CYRIB: variants seen among roughly 807,000 people sequenced by gnomAD.
CYRIB encodes the protein CYFIP-related Rac1 interactor B.
Under a neutral mutation model 44.2 loss-of-function variants are expected in CYRIB, and 8 were observed. The ratio of observed to expected loss-of-function variants is 0.18; its 90% CI spans 0.11 to 0.33. CYRIB has a LOEUF of 0.33. Ranked by LOEUF, CYRIB falls within the 10% of genes least tolerant of loss-of-function variation. CYRIB has a pLI of 1.00. For synonymous variants in CYRIB, 131 were observed against 127.2 expected, an observed-to-expected ratio of 1.03 and a Z score of -0.20; for missense variants, 185 against 382.8, an observed-to-expected ratio of 0.48 and a Z score of 4.31.
chr8:129,971,202 C>T (rs1191834248), intron 1 of CYRIB, among the ~76,000 whole-genome samples: 1 of 152,130 alleles, frequency 6.6e-6, no homozygotes, highest in South Asian at 2.1e-4. Flanking sequence ...TGCAGTGGCA[C>T]GATCTCGGCT....
chr8:129,972,287 T>G (rs934171945), intron 1 of CYRIB, among the ~76,000 whole-genome samples: 1 of 152,196 alleles, frequency 6.6e-6, no homozygotes, highest in African/African-American at 2.4e-5. Context: ...AACTGCTCAG[T>G]GGCCAAGAAG....
At chr8:129,849,442 A>C in intron 9 of CYRIB, 73 bp from the exon 12 acceptor site, 1 of 1,421,552 alleles carries the variant, frequency 7.0e-7, no homozygotes, top group Non-Finnish European at 9.5e-7. Flanking sequence ...ACACACAAGA[A>C]AAACCTCTTC....
intron 4 of CYRIB, among the ~76,000 whole-genome samples, chr8:129,867,315 C>A (rs1489649737): frequency 2.8e-5 from 4 of 143,582 alleles, no homozygotes; most frequent in Admixed American, 7.0e-5. Flanking sequence ...AGTAGAGATG[C>A]GGTTTTACTA....
intron 2 of CYRIB, among the ~76,000 whole-genome samples, chr8:129,897,402 A>G (rs1036979932): frequency 6.6e-6 from 1 of 152,062 alleles, no homozygotes; most frequent in African/African-American, 2.4e-5. Context: ...ATTTGTTAAC[A>G]TCTCCTCCTT....
chr8:130,007,132 G>A (rs1446090231), intron 1 of CYRIB, among the ~76,000 whole-genome samples: 1 of 152,094 alleles, frequency 6.6e-6, no homozygotes, highest in Non-Finnish European at 1.5e-5. Flanking sequence ...TATAAATTCT[G>A]AGCTTCCTTG....
chr8:129,893,831 C>G (rs78470411), intron 2 of CYRIB, among the ~76,000 whole-genome samples: 1 of 150,672 alleles, frequency 6.6e-6, no homozygotes, highest in Non-Finnish European at 1.5e-5. Flanking sequence ...TCACACTAGG[C>G]CTTTTTTTTT....
At chr8:129,865,826 G>A (rs1023832062) in intron 4 of CYRIB, among the ~76,000 whole-genome samples, 5 of 152,212 alleles carry the variant, frequency 3.3e-5, no homozygotes, top group African/African-American at 1.2e-4. Context: ...TCAATGCTAG[G>A]ATGGGAAGCC....
At chr8:129,905,528 T>C (rs533823880) in intron 1 of CYRIB, among the ~76,000 whole-genome samples, 30 of 152,328 alleles carry the variant, frequency 2.0e-4, no homozygotes, top group Admixed American at 1.9e-3. Flanking sequence ...AGTTCACAAA[T>C]GGGAGTCACG....
exon 9 of CYRIB, chr8:129,850,888 G>T: frequency 6.2e-7 from 1 of 1,611,360 alleles, no homozygotes; most frequent in South Asian, 1.1e-5. Context: ...AACAATCTGT[G>T]GTATTTTCTA....
At position 129,975,641 on chromosome 8, in the gene CYRIB, C is replaced by T. The variant is rs115472737; in HGVS notation, c.-295-4646G>A. On this transcript the variant is annotated intron_variant, in intron 1 of 14. Coordinates refer to the CYRIB transcript ENST00000401979. ...AGACTTTTAAAGCAACATTTTCTAG[C>T]CTGCTTCATTCCATAATTATTCTGA... Among the ~76,000 whole-genome samples the T allele has an allele frequency of 8.1e-4, 124 of 152,304 alleles. 2 individuals carry two copies. The highest frequency in any genetic ancestry group is 2.9e-3 in the African/African-American group (120 of 41,566).
At chr8:129,950,608 G>GTTTAC (rs1362632606) in intron 2 of CYRIB, among the ~76,000 whole-genome samples, 1 of 151,868 alleles carries the variant, frequency 6.6e-6, no homozygotes, top group Non-Finnish European at 1.5e-5. Context: ...GGTACTCATT[G>GTTTAC]TCAGATGTAA....
At chr8:129,912,839 A>C (rs2078733467) in intron 1 of CYRIB, among the ~76,000 whole-genome samples, 1 of 152,094 alleles carries the variant, frequency 6.6e-6, no homozygotes, top group South Asian at 2.1e-4. Context: ...TCTGTGTGTC[A>C]TGTTTACGGT....
At chr8:129,929,181 T>C (rs1409582505) in intron 1 of CYRIB, among the ~76,000 whole-genome samples, 2 of 152,060 alleles carry the variant, frequency 1.3e-5, no homozygotes, top group African/African-American at 2.4e-5. Context: ...TAAAAGATAC[T>C]GTATGTTCCA....
At chr8:129,996,392 C>A (rs955486045) in intron 1 of CYRIB, among the ~76,000 whole-genome samples, 1 of 152,144 alleles carries the variant, frequency 6.6e-6, no homozygotes, top group Non-Finnish European at 1.5e-5. Flanking sequence ...TCATCCACCC[C>A]ATCCACCACT....
At chr8:129,856,120 C>G (rs1397950114) in intron 5 of CYRIB, among the ~76,000 whole-genome samples, 1 of 152,204 alleles carries the variant, frequency 6.6e-6, no homozygotes, top group African/African-American at 2.4e-5. Context: ...TTATCTACAG[C>G]TGAGTAACTT....
chr8:129,908,437 T>C (rs2076511446), intron 1 of CYRIB, among the ~76,000 whole-genome samples: 1 of 152,228 alleles, frequency 6.6e-6, no homozygotes, highest in African/African-American at 2.4e-5. Context: ...CATTTCCAAT[T>C]ATTTAAATTA....
intron 1 of CYRIB, among the ~76,000 whole-genome samples, chr8:129,978,276 T>A (rs1189093095): frequency 6.6e-6 from 1 of 152,232 alleles, no homozygotes; most frequent in Non-Finnish European, 1.5e-5. Context: ...ATTACCTGAA[T>A]AATAAAACTT....
rs570195584 is a variant in CYRIB at position 129,862,442 on chromosome 8, T to C, written c.196-108A>G. Reference sequence around the variant, plus strand: ...ACATAGGAAACACTGGTATAATCCATAAAATATAGAATATTGAATCTAGGA... The same window carrying C: ...ACATAGGAAACACTGGTATAATCCACAAAATATAGAATATTGAATCTAGGA... On this transcript the variant is annotated intron_variant, in intron 4 of 11. Transcript: ENST00000519824. 1,910 of 840,706 alleles carry C rather than the reference T, an allele frequency of 2.3e-3. 5 individuals are homozygous for C. The highest frequency in any genetic ancestry group is 3.2e-3 in the Non-Finnish European group (1,675 of 528,452). The allele number at this position is 840,706 out of a possible 1,614,324, so 52.1% of individuals were successfully genotyped here.
At chr8:129,897,358 C>T (rs940889886) in intron 2 of CYRIB, among the ~76,000 whole-genome samples, 15 of 152,074 alleles carry the variant, frequency 9.9e-5, no homozygotes, top group African/African-American at 3.4e-4. Context: ...CCCTCGAAAA[C>T]CATACAATCC....
Sources: gnomAD v4.1 joint callset for allele counts (sites outside exome capture counted in the v4.1 genomes callset) on GRCh38, gnomAD v4.1.1 for gene constraint, MANE v1.5 for transcripts, NCBI Gene and HGNC (gene_info 2026-07-23, HGNC 2026-07-21) for gene names.